MACROD2: variants seen among roughly 807,000 people sequenced by gnomAD.
MACROD2 encodes mono-ADP ribosylhydrolase 2.
Under a neutral mutation model 70.4 loss-of-function variants are expected in MACROD2, and 36 were observed. The ratio of observed to expected loss-of-function variants is 0.51; its 90% CI spans 0.39 to 0.68. The LOEUF is 0.68. Ranked by LOEUF, MACROD2 falls within the 30% of genes least tolerant of loss-of-function variation. The pLI is 0.00. For missense variants in MACROD2, 496 were observed against 538.4 expected, an observed-to-expected ratio of 0.92 and a Z score of 0.78; for synonymous variants, 172 against 178.8, an observed-to-expected ratio of 0.96 and a Z score of 0.30.
chr20:15,233,663 A>T (rs936653179), intron 6 of MACROD2, among the ~76,000 whole-genome samples: 3 of 151,972 alleles, frequency 2.0e-5, no homozygotes, highest in African/African-American at 4.8e-5. Flanking sequence ...CATTTGCTTT[A>T]GGTGGTAAAG....
chr20:14,800,973 T>C (rs544014563), intron 5 of MACROD2, among the ~76,000 whole-genome samples: 1 of 152,244 alleles, frequency 6.6e-6, no homozygotes, highest in Admixed American at 6.5e-5. Context: ...ATTTCACCCA[T>C]AATTTAGCTT....
chr20:15,914,056 C>T (rs1397299451), intron 10 of MACROD2, among the ~76,000 whole-genome samples: 1 of 152,124 alleles, frequency 6.6e-6, no homozygotes, highest in East Asian at 1.9e-4. Flanking sequence ...TTAGGGACTA[C>T]CAGAGTAGTG....
At chr20:15,777,611 C>T (rs1331258454) in intron 8 of MACROD2, among the ~76,000 whole-genome samples, 5 of 129,876 alleles carry the variant, frequency 3.8e-5, no homozygotes, top group African/African-American at 6.1e-5. Flanking sequence ...CCCTCCCTCC[C>T]TCTCTCCCTC....
chr20:14,903,024 C>A (rs570120015), intron 5 of MACROD2, among the ~76,000 whole-genome samples: 77 of 137,488 alleles, frequency 5.6e-4, no homozygotes, highest in Non-Finnish European at 1.1e-3. Flanking sequence ...CTAAAGGTTT[C>A]TTTTTTTTCT....
chr20:16,035,342 G>C, intron 15 of MACROD2, among the ~76,000 whole-genome samples: 1 of 151,158 alleles, frequency 6.6e-6, no homozygotes, highest in East Asian at 1.9e-4. Flanking sequence ...TTCAAATGTA[G>C]AACTCCCAGT....
intron 11 of MACROD2, among the ~76,000 whole-genome samples, chr20:15,936,354 G>A (rs925542618): frequency 6.2e-5 from 9 of 144,968 alleles, no homozygotes; most frequent in African/African-American, 1.6e-4. Flanking sequence ...AACTATGTAC[G>A]TAACTATATA....
chr20:15,953,197 A>G (rs2065930548), intron 12 of MACROD2, among the ~76,000 whole-genome samples: 1 of 152,166 alleles, frequency 6.6e-6, no homozygotes, highest in East Asian at 1.9e-4. Flanking sequence ...TCAGGATACT[A>G]GAGGCTGGAA....
At chr20:14,491,026 T>C (rs2084787589) in intron 3 of MACROD2, among the ~76,000 whole-genome samples, 1 of 152,122 alleles carries the variant, frequency 6.6e-6, no homozygotes, top group Non-Finnish European at 1.5e-5. Context: ...TCTCAATCTA[T>C]TGGAGATAAT....
rs11474711 is a variant in MACROD2, at chr20:14,786,204, TAG to T, written c.418+101277_418+101278del. Reference sequence around the variant, plus strand: ...AGTGTTTGGTTCACTCAGAGAAAGATAGAGAGAGAGAGAGAGAGAGAGAGAGA... The same window carrying T: ...AGTGTTTGGTTCACTCAGAGAAAGATAGAGAGAGAGAGAGAGAGAGAGAGA... On this transcript the variant is annotated intron_variant, in intron 5 of 17. Transcript: ENST00000684519. Among the ~76,000 whole-genome samples the T allele has an allele frequency of 1.9e-3, 263 of 135,310 alleles. 2 individuals carry two copies. The highest frequency in any genetic ancestry group is 7.6e-3 in the Middle Eastern group (2 of 262). 88.8% of individuals were successfully genotyped at this position (135,310 alleles called of 152,430 possible).
intron 7 of MACROD2, among the ~76,000 whole-genome samples, chr20:15,496,373 A>C (rs976167058): frequency 1.6e-4 from 24 of 152,206 alleles, no homozygotes; most frequent in African/African-American, 5.5e-4. Context: ...ACTCTTGTGG[A>C]TGTTGAAATC....
intron 5 of MACROD2, among the ~76,000 whole-genome samples, chr20:15,161,753 C>A (rs976682665): frequency 6.6e-6 from 1 of 152,010 alleles, no homozygotes; most frequent in Non-Finnish European, 1.5e-5. Context: ...TCTCTGGAAC[C>A]TGTCAGCTAC....
chr20:15,769,473 T>A (rs1021141435), intron 8 of MACROD2, among the ~76,000 whole-genome samples: 2 of 152,202 alleles, frequency 1.3e-5, no homozygotes, highest in Admixed American at 6.5e-5. Context: ...TATTAACTAT[T>A]ATGTATGTAT....
At chr20:15,175,915 G>A (rs2076457773) in intron 5 of MACROD2, among the ~76,000 whole-genome samples, 1 of 152,214 alleles carries the variant, frequency 6.6e-6, no homozygotes, top group African/African-American at 2.4e-5. Context: ...CTGCCCGACT[G>A]TGGCTCCAGA....
chr20:14,798,245 G>A (rs1193931100), intron 5 of MACROD2, among the ~76,000 whole-genome samples: 2 of 151,814 alleles, frequency 1.3e-5, no homozygotes, highest in Non-Finnish European at 2.9e-5. Flanking sequence ...AAATTCAATT[G>A]GAAACAGTGC....
intron 8 of MACROD2, among the ~76,000 whole-genome samples, chr20:15,530,769 G>A (rs568872049): frequency 7.3e-5 from 11 of 150,842 alleles, no homozygotes; most frequent in South Asian, 2.1e-4. Flanking sequence ...CCATGTACGC[G>A]TATAATGTTT....
At chr20:15,489,171 A>G (rs1488307897) in intron 7 of MACROD2, among the ~76,000 whole-genome samples, 2 of 152,216 alleles carry the variant, frequency 1.3e-5, no homozygotes, top group African/African-American at 4.8e-5. Flanking sequence ...AAAGCTGAAT[A>G]TAGTAGAATT....
At chr20:14,802,754 TAAC>T (rs1182779563) in intron 5 of MACROD2, among the ~76,000 whole-genome samples, 3 of 133,738 alleles carry the variant, frequency 2.2e-5, no homozygotes, top group African/African-American at 5.8e-5. Flanking sequence ...GTATTTCTCT[TAAC>T]AAGCACACAC....
intron 3 of MACROD2, among the ~76,000 whole-genome samples, chr20:14,426,659 A>T (rs1291329795): frequency 6.6e-6 from 1 of 152,214 alleles, no homozygotes; most frequent in East Asian, 1.9e-4. Context: ...TAAACTTCAG[A>T]GTTATCATCT....
intron 9 of MACROD2, among the ~76,000 whole-genome samples, chr20:15,880,203 C>T (rs981402665): frequency 2.0e-5 from 3 of 152,106 alleles, no homozygotes; most frequent in African/African-American, 7.2e-5. Context: ...AACCATCACT[C>T]CTGGCATGGA....
Sources: gnomAD v4.1 joint callset for allele counts (sites outside exome capture counted in the v4.1 genomes callset) on GRCh38, gnomAD v4.1.1 for gene constraint, MANE v1.5 for transcripts, NCBI Gene and HGNC (gene_info 2026-07-23, HGNC 2026-07-21) for gene names.